CACNA1A: variants seen among roughly 807,000 people sequenced by gnomAD.
CACNA1A encodes the protein voltage-dependent P/Q-type calcium channel subunit alpha-1A.
Under a neutral mutation model 262.4 loss-of-function variants are expected in CACNA1A, and 57 were observed. That is an observed-to-expected ratio of 0.22 (90% CI 0.18 to 0.27). The LOEUF (loss-of-function observed/expected upper bound fraction) is 0.27. Among genes scored for constraint, CACNA1A ranks in the 10% least tolerant of loss-of-function variants. The probability of loss-of-function intolerance (pLI) is 1.00; values close to 1 mark genes in which losing one functional copy is unlikely to be tolerated. For missense variants in CACNA1A, 2,526 were observed against 3,562.8 expected, an observed-to-expected ratio of 0.71 and a Z score of 7.41; for synonymous variants, 1,431 against 1,419.3, an observed-to-expected ratio of 1.01 and a Z score of -0.18.
chr19:13,245,671 C>CTT (rs763446754), intron 30 of CACNA1A: 17,999 of 115,690 alleles, frequency 0.16, 1,933 homozygotes, highest in East Asian at 0.6. Context: ...CTTTCTTTCT[C>CTT]TTTTTTTTTT....
intron 28 of CACNA1A, among the ~76,000 whole-genome samples, chr19:13,256,017 CG>C (rs1222655207): frequency 8.6e-6 from 1 of 116,168 alleles, no homozygotes; most frequent in African/African-American, 3.2e-5. Flanking sequence ...TTCTTTGACA[CG>C]GGCTTGCTTT....
rs1320790447 is a variant in CACNA1A at position 13,235,206 on chromosome 19, C to T, written c.5133+3G>A. The T allele has an allele frequency of 1.9e-6, 3 of 1,606,620 alleles. No individual in the cohort carries two copies. In the Admixed American group the frequency reaches 5.2e-5, roughly 28 times the overall value. On this transcript the variant is annotated splice_donor_region_variant and intron_variant, in intron 33 of 46. Transcript: ENST00000360228. ...CTGGGAACCTTAGGGACACGACACT[C>T]ACCTGCATCCCAATGATGGCATAGA... is the stretch of plus-strand genomic sequence containing the variant.
intron 35 of CACNA1A, among the ~76,000 whole-genome samples, chr19:13,230,861 CAG>C (rs1189098667): frequency 6.6e-6 from 1 of 151,430 alleles, no homozygotes; most frequent in East Asian, 1.9e-4. Flanking sequence ...TGGAAAGAAA[CAG>C]AGTCAGTGAG....
chr19:13,370,770 C>CG (rs991297754), intron 4 of CACNA1A: 12 of 131,604 alleles, frequency 9.1e-5, no homozygotes, highest in Middle Eastern at 3.9e-3. Context: ...TAGATATTGG[C>CG]GGGGGGGTGG....
rs61178346 is a variant in CACNA1A, at chr19:13,212,827, TACACACACAC to T, written c.5941-97_5941-88del. 1.9e-6 allele frequency: 1 copy of T among 517,668 alleles called. No homozygotes were observed. The highest frequency in any genetic ancestry group is 3.4e-6 in the Non-Finnish European group (1 of 296,156). 32.1% of individuals were successfully genotyped at this position (517,668 alleles called of 1,614,324 possible). On this transcript the variant is annotated intron_variant, in intron 40 of 46. Coordinates refer to ENST00000360228, the MANE Select transcript of CACNA1A (RefSeq NM_001127222.2). This position sits in a 1 kb window ranked among gnomAD's most constrained non-coding sequence, Gnocchi z 5.6. ...AGAAGGCATTGCGACATCCCCAGTATACACACACACACACACACACACTCTCTCAGGTCTC... is the reference window on the plus strand; with the variant it reads ...AGAAGGCATTGCGACATCCCCAGTATACACACACACACTCTCTCAGGTCTC...
At chr19:13,259,986 C>T in intron 26 of CACNA1A, 1 of 331,368 alleles carries the variant, frequency 3.0e-6, no homozygotes, top group Non-Finnish European at 5.7e-6. Flanking sequence ...ACTTCTAGTC[C>T]TCAGGGTGAG....
At position 13,298,775 on chromosome 19, in the gene CACNA1A, C is replaced by T. The variant is rs1050663010; in HGVS notation, c.2858G>A (p.Gly953Glu). Residue 953 changes from glycine to glutamate, a missense_variant, in exon 19 of 47, where the codon GGG becomes GAG. Around this residue, in one of 17 missense-constraint regions of CACNA1A, gnomAD observed 765 missense variants for 748.6 expected, o/e 1.02. Transcript: ENST00000360228. ...RSGSPRTGAD[G>E]EHRRHRAHRR... The stretch of plus-strand genomic sequence containing the variant: ...GTGCGCGCGATGACGTCGATGCTCC[C>T]CGTCCGCGCCCGTGCGCGGGGACCC... The T allele has an allele frequency of 3.9e-6, 6 of 1,526,656 alleles. No individual in the cohort carries two copies. Among genetic ancestry groups the T allele is most frequent in the Middle Eastern group, 2.1e-4 (1 of 4,814 alleles). 94.6% of individuals were successfully genotyped at this position (1,526,656 alleles called of 1,614,324 possible). A position where few individuals can be genotyped will look rare whatever the true frequency, so the allele number is the denominator to read the frequency against.
At chr19:13,504,857 G>A (rs1982826959) in intron 1 of CACNA1A, among the ~76,000 whole-genome samples, 2 of 152,076 alleles carry the variant, frequency 1.3e-5, no homozygotes, top group African/African-American at 4.8e-5. Context: ...CCTCCTCAAG[G>A]TTTATTTCAA....
intron 30 of CACNA1A, among the ~76,000 whole-genome samples, chr19:13,248,230 G>T (rs1301824166): frequency 6.6e-6 from 1 of 151,944 alleles, no homozygotes; most frequent in Non-Finnish European, 1.5e-5. Flanking sequence ...AGGCTAGAGA[G>T]CTCCCCTCTA....
chr19:13,221,212 T>TTTTTTTTTTCTTTTC (rs1276717107), intron 38 of CACNA1A, among the ~76,000 whole-genome samples: 4 of 40,918 alleles, frequency 9.8e-5, no homozygotes, highest in Non-Finnish European at 1.6e-4. Flanking sequence ...TCCCATTTGT[T>TTTTTTTTTTCTTTTC]TTTTCTTTTC....
chr19:13,298,167 G>GTC, intron 19 of CACNA1A, among the ~76,000 whole-genome samples: 1 of 123,850 alleles, frequency 8.1e-6, no homozygotes, highest in East Asian at 2.4e-4. Context: ...GTCTCACTCT[G>GTC]TCGCCCAGGC....
At position 13,452,869 on chromosome 19, in the gene CACNA1A, C is replaced by T; in HGVS notation, c.539+7G>A. Reference sequence around the variant, plus strand: ...TAAATCCAAAGCGTATAGCACGCGCCACTTACCCCGTTAGCACCACCACAA... The same window carrying T: ...TAAATCCAAAGCGTATAGCACGCGCTACTTACCCCGTTAGCACCACCACAA... On this transcript the variant is annotated splice_region_variant and intron_variant, in intron 3 of 46. Transcript: ENST00000360228. 1 of 1,613,340 alleles carries T rather than the reference C, an allele frequency of 6.2e-7. No homozygotes were observed. Among genetic ancestry groups the T allele is most frequent in the Non-Finnish European group, 8.5e-7 (1 of 1,179,440 alleles).
chr19:13,291,701 G>A (rs2057543771), intron 19 of CACNA1A, among the ~76,000 whole-genome samples: 1 of 151,878 alleles, frequency 6.6e-6, no homozygotes, highest in Non-Finnish European at 1.5e-5. Context: ...CAGTTACTTG[G>A]GAGGCTGAGG....
intron 6 of CACNA1A, among the ~76,000 whole-genome samples, chr19:13,337,660 T>C (rs1231109225): frequency 6.6e-6 from 1 of 151,918 alleles, no homozygotes; most frequent in African/African-American, 2.4e-5. Flanking sequence ...CCATAACACA[T>C]GGTACAACTA....
chr19:13,419,468 G>A (rs1269423058), intron 3 of CACNA1A, among the ~76,000 whole-genome samples: 3 of 152,114 alleles, frequency 2.0e-5, no homozygotes, highest in Non-Finnish European at 2.9e-5. Flanking sequence ...TTGAGCCCAG[G>A]AGTTTGAGAC....
At chr19:13,275,710 G>A (rs1013205264) in intron 24 of CACNA1A, 140 bp downstream of exon 24, 3 of 682,626 alleles carry the variant, frequency 4.4e-6, no homozygotes, top group Admixed American at 2.1e-5. Context: ...TCTTCCTGGT[G>A]GCATGCTGAT....
rs1057522015 is a variant in CACNA1A at position 13,506,235 on chromosome 19, G to C, written c.-11C>G. On this transcript the variant is annotated 5_prime_UTR_variant, in exon 1 of 47. Coordinates refer to ENST00000360228, the MANE Select transcript of CACNA1A (RefSeq NM_001127222.2). ...TCCGAAGCGGGCCATTCTGCAAAGA[G>C]CAAAGGGCTCCGGGTTACGCTGCGG... 1 of 1,455,152 alleles carries C rather than the reference G, an allele frequency of 6.9e-7. No homozygotes were observed. The highest frequency in any genetic ancestry group is 2.8e-5 in the Admixed American group (1 of 36,212). The allele number at this position is 1,455,152 out of a possible 1,614,324, so 90.1% of individuals were successfully genotyped here.
intron 6 of CACNA1A, among the ~76,000 whole-genome samples, chr19:13,336,356 T>C (rs10417607): frequency 0.67 from 101,120 of 151,942 alleles, 33,903 homozygotes; most frequent in Admixed American, 0.75. Context: ...GCCAGACAGA[T>C]GGTCCATGAG....
chr19:13,403,132 C>G (rs999633077), intron 3 of CACNA1A, among the ~76,000 whole-genome samples: 1 of 151,580 alleles, frequency 6.6e-6, no homozygotes, highest in Non-Finnish European at 1.5e-5. Flanking sequence ...TTCCCACCTG[C>G]GAACACACCA....
Sources: allele counts gnomAD v4.1 joint callset (sites outside exome capture counted in the v4.1 genomes callset), GRCh38; gene constraint gnomAD v4.1.1; regional missense constraint gnomAD v4.1.1; non-coding constraint Gnocchi (gnomAD v3.1); transcripts MANE v1.5; gene names NCBI Gene and HGNC (gene_info 2026-07-23, HGNC 2026-07-21).